MOXD1: variants seen among roughly 807,000 people sequenced by gnomAD.
The protein encoded by MOXD1 is DBH-like monooxygenase protein 1.
Under a neutral mutation model 66.6 loss-of-function variants are expected in MOXD1, and 62 were observed. The observed-to-expected ratio is 0.93, with a 90% CI of 0.76 to 1.15. The LOEUF (loss-of-function observed/expected upper bound fraction) is 1.15, where lower values mean the gene tolerates loss of function less well. Ranked by LOEUF, MOXD1 falls within the 50% of genes most tolerant of loss-of-function variation. MOXD1 has a pLI of 0.00. For synonymous variants in MOXD1, 303 were observed against 281.9 expected (o/e 1.07, Z -0.75); for missense variants, 847 against 754.6 (o/e 1.12, Z -1.44).
chr6:132,374,659 G>A lies in MOXD1; in HGVS notation c.383C>T (p.Thr128Ile). Residue 128 changes from threonine (T) to isoleucine (I), a missense_variant, in exon 2 of 12, where the codon ACA becomes ATA. By Grantham distance (89) the Thr-to-Ile change is moderately conservative. Coordinates refer to ENST00000367963, the MANE Select transcript of MOXD1 (RefSeq NM_015529.4). ...TATACTCTTGTCATTTATGTCACAT[G>A]TATGCAGCTCTCTGGTAAATTCAAT... ...TIIEFTRELHTCDINDKSITD... is the reference protein window; with the variant it reads ...TIIEFTRELHICDINDKSITD... The A allele has an allele frequency of 1.9e-6, 3 of 1,613,846 alleles. No individual in the cohort carries two copies. The highest frequency in any genetic ancestry group is 1.7e-5 in the Admixed American group (1 of 60,016).
chr6:132,306,811 C>T (rs1774703110), intron 10 of MOXD1, among the ~76,000 whole-genome samples: 2 of 152,162 alleles, frequency 1.3e-5, no homozygotes, highest in Non-Finnish European at 1.5e-5. Flanking sequence ...CAAGCAAATG[C>T]TGAGGGATTT....
At chr6:132,360,982 A>T (rs1318859050) in intron 4 of MOXD1, among the ~76,000 whole-genome samples, 1 of 152,178 alleles carries the variant, frequency 6.6e-6, no homozygotes, top group Admixed American at 6.5e-5. Context: ...AGGCTATGGG[A>T]GCATTATTAA....
chr6:132,397,682 G>GA (rs1248281725), intron 1 of MOXD1, among the ~76,000 whole-genome samples: 3 of 132,678 alleles, frequency 2.3e-5, no homozygotes, highest in African/African-American at 8.5e-5. Context: ...AAGAAAGAAA[G>GA]AAAGAAAGAA....
At position 132,392,114 on chromosome 6, in the gene MOXD1, T is replaced by C. The variant is rs1278141898; in HGVS notation, c.264+9049A>G. 3 of 1,430,814 alleles carry C rather than the reference T, an allele frequency of 2.1e-6. No individual in the cohort carries two copies. In the Admixed American group the frequency reaches 7.6e-5, roughly 36 times the overall value. 88.6% of individuals were successfully genotyped at this position (1,430,814 alleles called of 1,614,324 possible). A position where few individuals can be genotyped will look rare whatever the true frequency, so the allele number is the denominator to read the frequency against. Reference sequence around the variant, plus strand: ...CCTTTCAATTTGCTTTCCAAACATTTCTTTGTCGCCGTTGGCTGGGGTGTG... The same window carrying C: ...CCTTTCAATTTGCTTTCCAAACATTCCTTTGTCGCCGTTGGCTGGGGTGTG... On this transcript the variant is annotated intron_variant, in intron 1 of 11. Transcript: ENST00000367963.
At chr6:132,331,894 C>T (rs1284657444) in intron 4 of MOXD1, among the ~76,000 whole-genome samples, 1 of 152,160 alleles carries the variant, frequency 6.6e-6, no homozygotes, top group Non-Finnish European at 1.5e-5. Flanking sequence ...TTCAGTAAGG[C>T]AAGTTGCCGA....
intron 4 of MOXD1, among the ~76,000 whole-genome samples, chr6:132,364,838 C>T (rs9493294): frequency 0.31 from 47,790 of 152,010 alleles, 9,663 homozygotes; most frequent in African/African-American, 0.58. Context: ...TATGTACAGA[C>T]GGAACCTAAG....
chr6:132,303,784 CATAT>C (rs1774608587), intron 10 of MOXD1, among the ~76,000 whole-genome samples: 1 of 128,798 alleles, frequency 7.8e-6, no homozygotes, highest in Admixed American at 7.9e-5. Flanking sequence ...CATATATACA[CATAT>C]ATACATATAT....
chr6:132,350,377 A>T (rs1775778787), intron 4 of MOXD1, among the ~76,000 whole-genome samples: 1 of 152,192 alleles, frequency 6.6e-6, no homozygotes, highest in Admixed American at 6.5e-5. Context: ...TTTGTTGAAA[A>T]GGGTGTCATT....
intron 10 of MOXD1, among the ~76,000 whole-genome samples, chr6:132,305,107 G>A (rs1254810798): frequency 6.6e-6 from 1 of 152,194 alleles, no homozygotes; most frequent in Non-Finnish European, 1.5e-5. Flanking sequence ...ACTGCCTAAC[G>A]TACTAAGCTC....
At chr6:132,335,777 G>T (rs1432291595) in intron 4 of MOXD1, among the ~76,000 whole-genome samples, 1 of 152,190 alleles carries the variant, frequency 6.6e-6, no homozygotes, top group African/African-American at 2.4e-5. Context: ...AAAATTTGGA[G>T]ATTTGTACAT....
intron 1 of MOXD1, among the ~76,000 whole-genome samples, chr6:132,378,515 A>G (rs1776440947): frequency 6.6e-6 from 1 of 152,176 alleles, no homozygotes; most frequent in Non-Finnish European, 1.5e-5. Flanking sequence ...AAGAAAGCAG[A>G]AAAAGATTAA....
intron 1 of MOXD1, among the ~76,000 whole-genome samples, chr6:132,376,643 A>G (rs1438526308): frequency 1.1e-5 from 1 of 94,828 alleles, no homozygotes; most frequent in Non-Finnish European, 1.7e-5. Flanking sequence ...CCTCCCAAGT[A>G]GCTGGGACTA....
intron 4 of MOXD1, among the ~76,000 whole-genome samples, chr6:132,354,630 C>T (rs1022528333): frequency 3.9e-5 from 6 of 152,192 alleles, no homozygotes; most frequent in Non-Finnish European, 5.9e-5. Context: ...TGCTGGTTGG[C>T]GTCCTGCCAG....
At chr6:132,380,527 T>C (rs78222235) in intron 1 of MOXD1, among the ~76,000 whole-genome samples, 4,445 of 152,288 alleles carry the variant, frequency 0.029, 206 homozygotes, top group African/African-American at 0.098. Context: ...CCCTATGAAG[T>C]TTTCTTTGAT....
rs1450669678 is a variant in MOXD1 at position 132,324,097 on chromosome 6, C to T, written c.947G>A (p.Gly316Asp). 1 of 1,610,728 alleles carries T rather than the reference C, an allele frequency of 6.2e-7. No homozygotes were observed. The highest frequency in any genetic ancestry group is 8.5e-7 in the Non-Finnish European group (1 of 1,178,666). ...CCTCAGTCCAGAATTATCTATTAAG[C>T]CTAGAACAAAAGCACATAATTAAAG... ...VHYDNPTYEEGLIDNSGLRLF... is the reference protein window; with the variant it reads ...VHYDNPTYEEDLIDNSGLRLF... The change falls in exon 7 of 12, where the codon GGC becomes GAC. Residue 316 changes from glycine to aspartate, a missense_variant and splice_region_variant. Transcript: ENST00000367963.
At chr6:132,309,257 A>G (rs1774768657) in intron 10 of MOXD1, among the ~76,000 whole-genome samples, 1 of 152,172 alleles carries the variant, frequency 6.6e-6, no homozygotes, top group Admixed American at 6.5e-5. Context: ...TCATGAATGA[A>G]CTTCCATTCA....
At chr6:132,366,249 AAAAT>A (rs1477030938) in intron 4 of MOXD1, among the ~76,000 whole-genome samples, 3 of 152,308 alleles carry the variant, frequency 2.0e-5, no homozygotes, top group South Asian at 2.1e-4. Flanking sequence ...TTGCCTTTAG[AAAAT>A]AAATAGAGTT....
chr6:132,356,029 G>T (rs778826828), intron 4 of MOXD1, among the ~76,000 whole-genome samples: 1 of 152,184 alleles, frequency 6.6e-6, no homozygotes, highest in Non-Finnish European at 1.5e-5. Context: ...ATTCACAACA[G>T]GCAAAATTAG....
chr6:132,399,724 CA>C (rs1261704069), intron 1 of MOXD1, among the ~76,000 whole-genome samples: 3 of 152,098 alleles, frequency 2.0e-5, no homozygotes, highest in African/African-American at 7.2e-5. Context: ...GTAGAACATG[CA>C]AGGATAGTTA....
Sources: allele counts gnomAD v4.1 joint callset (sites outside exome capture counted in the v4.1 genomes callset), GRCh38; gene constraint gnomAD v4.1.1; transcripts MANE v1.5; gene names NCBI Gene and HGNC (gene_info 2026-07-23, HGNC 2026-07-21).